Variants in SHCBP1L observed in about 807,000 individuals in gnomAD.
The protein encoded by SHCBP1L is SHC binding and spindle associated 1 like.
A neutral mutation model predicts 62.5 loss-of-function variants in SHCBP1L; 67 were observed. That is an observed-to-expected ratio of 1.07 (90% CI 0.88 to 1.31). The LOEUF is 1.31. Among genes scored for constraint, SHCBP1L ranks in the 40% most tolerant of loss-of-function variants. The pLI is 0.00. For missense variants in SHCBP1L, 823 were observed against 809.8 expected, an observed-to-expected ratio of 1.02 and a Z score of -0.20; for synonymous variants, 284 against 289.4, an observed-to-expected ratio of 0.98 and a Z score of 0.19.
At chr1:182,911,790 A>T (rs965317068) in intron 6 of SHCBP1L, among the ~76,000 whole-genome samples, 1 of 152,210 alleles carries the variant, frequency 6.6e-6, no homozygotes, top group South Asian at 2.1e-4. Context: ...TGAAAGCACA[A>T]TAGAAATTAT....
chr1:182,945,725 G>C (rs1371835270), intron 2 of SHCBP1L, among the ~76,000 whole-genome samples: 2 of 152,080 alleles, frequency 1.3e-5, no homozygotes, highest in African/African-American at 4.8e-5. Flanking sequence ...TAAAATTTTT[G>C]AAAATACATT....
chr1:182,921,117 G>C (rs562444225), intron 6 of SHCBP1L, among the ~76,000 whole-genome samples: 8 of 152,236 alleles, frequency 5.3e-5, no homozygotes, highest in African/African-American at 1.7e-4. Flanking sequence ...ATTAAAGGCA[G>C]CTAGAGAGGA....
chr1:182,926,254 G>A (rs1341284727), intron 6 of SHCBP1L, among the ~76,000 whole-genome samples: 1 of 152,188 alleles, frequency 6.6e-6, no homozygotes, highest in Non-Finnish European at 1.5e-5. Flanking sequence ...AGAGCACACT[G>A]TCTCTGAGGA....
intron 6 of SHCBP1L, 96 bp from the exon 7 acceptor site, chr1:182,905,745 A>G: frequency 1.7e-6 from 2 of 1,152,012 alleles, no homozygotes; most frequent in South Asian, 3.1e-5. Context: ...TTTTCCCAAA[A>G]GACTTATCAT....
chr1:182,925,703 T>C (rs1650723062), intron 6 of SHCBP1L, among the ~76,000 whole-genome samples: 1 of 152,296 alleles, frequency 6.6e-6, no homozygotes, highest in South Asian at 2.1e-4. Context: ...TTCTAGTCTT[T>C]GGTATATACC....
Position 182,939,544 on chromosome 1 carries a change from A to G in SHCBP1L, c.780T>C (p.Tyr260=), listed in dbSNP as rs1054494987. Residue 260 remains tyrosine (Y), a synonymous_variant, in exon 4 of 10, where the codon TAT becomes TAC. Transcript: ENST00000367547. The part of the protein sequence containing the change: ...ALALEVVRFF[Y]DFLWRDWDDE... ...CATCCCAGTCTCTCCAAAGAAAGTC[A>G]TAAAAAAACCTACGATAAACCAAAT... 1.5e-5 allele frequency: 24 copies of G among 1,601,768 alleles called. No individual in the cohort carries two copies. The highest frequency in any genetic ancestry group is 1.9e-5 in the Non-Finnish European group (22 of 1,175,456).
intron 6 of SHCBP1L, among the ~76,000 whole-genome samples, chr1:182,929,389 C>T (rs1055194473): frequency 6.6e-6 from 1 of 152,116 alleles, no homozygotes; most frequent in African/African-American, 2.4e-5. Flanking sequence ...TTTTGTCTCC[C>T]CTAAATGCAG....
chr1:182,949,682 G>A (rs924485776), intron 2 of SHCBP1L, among the ~76,000 whole-genome samples: 3 of 151,310 alleles, frequency 2.0e-5, no homozygotes, highest in African/African-American at 7.3e-5. Flanking sequence ...GGGCAACAGA[G>A]TTAGACCTTA....
intron 6 of SHCBP1L, among the ~76,000 whole-genome samples, chr1:182,910,089 A>G (rs1650131670): frequency 6.6e-6 from 1 of 152,190 alleles, no homozygotes; most frequent in African/African-American, 2.4e-5. Context: ...TAGAGAGGAG[A>G]GGTTAAAGAC....
intron 6 of SHCBP1L, among the ~76,000 whole-genome samples, chr1:182,911,150 G>A (rs550208189): frequency 1.1e-4 from 17 of 152,080 alleles, no homozygotes; most frequent in Middle Eastern, 3.4e-3. Context: ...TCAGCCTCCC[G>A]AAGTGCTGGG....
At chr1:182,913,050 G>A (rs1225667922) in intron 6 of SHCBP1L, among the ~76,000 whole-genome samples, 2 of 151,792 alleles carry the variant, frequency 1.3e-5, no homozygotes, top group East Asian at 3.9e-4. Flanking sequence ...CAGGAGAATC[G>A]CTTGAACCCA....
chr1:182,945,306 AT>A lies in SHCBP1L; in HGVS notation c.556-4764del, dbSNP rs1455637099. 2.0e-5 allele frequency among the ~76,000 whole-genome samples: 3 copies of A among 152,242 alleles called. No individual in the cohort carries two copies. The South Asian group carries it at 6.2e-4, about 32-fold the overall frequency. On this transcript the variant is annotated intron_variant, in intron 2 of 9. Transcript: ENST00000367547. ...GTGGCTTTCATTAATTTAGCCCCAAATTCCTTAAGTTGTAAAAATCTCCTTT... is the reference window on the plus strand; with the variant it reads ...GTGGCTTTCATTAATTTAGCCCCAAATCCTTAAGTTGTAAAAATCTCCTTT...
At chr1:182,900,935 G>A (rs888469128) in intron 9 of SHCBP1L, among the ~76,000 whole-genome samples, 1 of 152,152 alleles carries the variant, frequency 6.6e-6, no homozygotes, top group Non-Finnish European at 1.5e-5. Context: ...ACTTTTATCA[G>A]TTATTGATAA....
intron 6 of SHCBP1L, among the ~76,000 whole-genome samples, chr1:182,906,402 A>G (rs2101920579): frequency 6.7e-6 from 1 of 149,114 alleles, no homozygotes; most frequent in East Asian, 2.0e-4. Flanking sequence ...ACTCAAAATG[A>G]CCCTCCAGTT....
chr1:182,930,699 GTGTGTA>G (rs1208738059), intron 5 of SHCBP1L, among the ~76,000 whole-genome samples: 24 of 58,806 alleles, frequency 4.1e-4, no homozygotes, highest in South Asian at 1.3e-3. Flanking sequence ...GTGTGTGTGT[GTGTGTA>G]TATATATATA....
At chr1:182,921,229 T>G (rs1650520003) in intron 6 of SHCBP1L, among the ~76,000 whole-genome samples, 2 of 152,084 alleles carry the variant, frequency 1.3e-5, no homozygotes, top group Non-Finnish European at 2.9e-5. Context: ...TTCAGCAATC[T>G]TAAAGAAAAG....
chr1:182,937,118 C>T (rs1023293753), intron 5 of SHCBP1L, among the ~76,000 whole-genome samples: 1 of 151,626 alleles, frequency 6.6e-6, no homozygotes, highest in African/African-American at 2.4e-5. Flanking sequence ...ACCTTTATTC[C>T]TTCTCCCACA....
intron 2 of SHCBP1L, among the ~76,000 whole-genome samples, chr1:182,943,313 G>A (rs1367519900): frequency 1.4e-5 from 2 of 146,020 alleles, no homozygotes; most frequent in East Asian, 4.0e-4. Flanking sequence ...GTACAGACAG[G>A]GTCTCACTAT....
intron 5 of SHCBP1L, among the ~76,000 whole-genome samples, chr1:182,937,215 T>A (rs1384203960): frequency 6.6e-6 from 1 of 152,076 alleles, no homozygotes; most frequent in Non-Finnish European, 1.5e-5. Context: ...AGAACAGGCC[T>A]ACTAATGATA....
Sources: allele counts gnomAD v4.1 joint callset (sites outside exome capture counted in the v4.1 genomes callset), GRCh38; gene constraint gnomAD v4.1.1; transcripts MANE v1.5; gene names NCBI Gene and HGNC (gene_info 2026-07-23, HGNC 2026-07-21).